Variants in ITFG1 observed in about 807,000 individuals in gnomAD.
ITFG1 encodes T-cell immunomodulatory protein.
In ITFG1, 34 loss-of-function variants were observed where a neutral mutation model predicts 81.8. The observed-to-expected ratio is 0.42, with a 90% CI of 0.32 to 0.55. The LOEUF is 0.55. Among genes scored for constraint, ITFG1 ranks in the 20% least tolerant of loss-of-function variants. The pLI is 0.17. For synonymous variants in ITFG1, 285 were observed against 270.6 expected (o/e 1.05, Z -0.52); for missense variants, 672 against 755.4 (o/e 0.89, Z 1.29).
At chr16:47,326,504 C>T (rs1196182414) in intron 8 of ITFG1, among the ~76,000 whole-genome samples, 17 of 152,056 alleles carry the variant, frequency 1.1e-4, no homozygotes, top group South Asian at 2.1e-4. Context: ...AAATAAAGGG[C>T]ATTCAATTAG....
chr16:47,344,707 C>T (rs938451844), intron 8 of ITFG1, among the ~76,000 whole-genome samples: 2 of 152,110 alleles, frequency 1.3e-5, no homozygotes, highest in Admixed American at 6.5e-5. Context: ...CCATCCCCAC[C>T]TTCCCCACAC....
intron 14 of ITFG1, among the ~76,000 whole-genome samples, chr16:47,201,258 G>T (rs193109368): frequency 1.9e-4 from 28 of 150,986 alleles, no homozygotes; most frequent in African/African-American, 6.3e-4. Flanking sequence ...GCCCAGGCTG[G>T]AGTGCAGTGG....
chr16:47,182,830 G>A (rs907753451), intron 14 of ITFG1, among the ~76,000 whole-genome samples: 1 of 152,244 alleles, frequency 6.6e-6, no homozygotes, highest in African/African-American at 2.4e-5. Flanking sequence ...CAGAAGACGG[G>A]TGATTTCTGC....
intron 10 of ITFG1, among the ~76,000 whole-genome samples, chr16:47,274,469 A>T (rs1485177112): frequency 6.6e-6 from 1 of 152,190 alleles, no homozygotes; most frequent in Non-Finnish European, 1.5e-5. Context: ...TAGACAATTA[A>T]CTAAAACTTG....
At chr16:47,350,068 T>C (rs1241384732) in intron 8 of ITFG1, among the ~76,000 whole-genome samples, 3 of 152,126 alleles carry the variant, frequency 2.0e-5, no homozygotes, top group Admixed American at 2.0e-4. Context: ...CAAAGCAGTG[T>C]GTAGAGGGAA....
At chr16:47,299,423 A>C (rs149469237) in intron 10 of ITFG1, 1 of 138,308 alleles carries the variant, frequency 7.2e-6, no homozygotes, top group East Asian at 3.2e-4. Context: ...TTTGCTTCCA[A>C]GGTGGGAAAT....
At chr16:47,231,540 GAA>G (rs1965816707) in intron 13 of ITFG1, among the ~76,000 whole-genome samples, 1 of 152,142 alleles carries the variant, frequency 6.6e-6, no homozygotes, top group African/African-American at 2.4e-5. Context: ...TACACAGTAA[GAA>G]AAAGTCAAGA....
chr16:47,434,592 C>G (rs1386429451), intron 5 of ITFG1, among the ~76,000 whole-genome samples: 1 of 152,134 alleles, frequency 6.6e-6, no homozygotes, highest in African/African-American at 2.4e-5. Context: ...CACTTTTACA[C>G]TGTTGGTGGG....
chr16:47,350,872 AAG>A (rs1345934902), intron 8 of ITFG1, among the ~76,000 whole-genome samples: 1 of 152,204 alleles, frequency 6.6e-6, no homozygotes, highest in African/African-American at 2.4e-5. Flanking sequence ...CACCATGATC[AAG>A]TGGGCTTCAT....
At chr16:47,438,934 T>A (rs1291651376) in intron 5 of ITFG1, among the ~76,000 whole-genome samples, 1 of 151,752 alleles carries the variant, frequency 6.6e-6, no homozygotes, top group Admixed American at 6.6e-5. Context: ...CTCAAAACTT[T>A]GAAAAAAAAT....
intron 8 of ITFG1, among the ~76,000 whole-genome samples, chr16:47,319,937 T>C (rs1967423268): frequency 6.6e-6 from 1 of 152,166 alleles, no homozygotes; most frequent in Non-Finnish European, 1.5e-5. Context: ...ACATATCTTT[T>C]TTGAGACAGA....
intron 8 of ITFG1, among the ~76,000 whole-genome samples, chr16:47,348,580 C>T (rs1234310389): frequency 1.3e-5 from 2 of 152,324 alleles, no homozygotes; most frequent in South Asian, 2.1e-4. Context: ...AAATCTACGT[C>T]TGAATGGTGT....
chr16:47,454,027 T>C lies in ITFG1; in HGVS notation c.413A>G (p.Gln138Arg). The part of the protein sequence containing the change: ...SELGAVIFWG[Q>R]NQTLDPNNMT... ...AACAAATTCACCTAATGTTTGATTT[T>C]GTCCCCAGAAGATAACAGCTCCTAA... The change falls in exon 3 of 18, where the codon CAA becomes CGA. Residue 138 changes from glutamine to arginine, a missense_variant. Physicochemically the swap from Gln to Arg is conservative, Grantham distance 43. Around this residue, in one of 3 missense-constraint regions of ITFG1, gnomAD observed 560 missense variants for 625.7 expected, o/e 0.90. Transcript: ENST00000320640. 6.3e-7 allele frequency: 1 copy of C among 1,598,550 alleles called. No homozygotes were observed. Among genetic ancestry groups the C allele is most frequent in the Non-Finnish European group, 8.5e-7 (1 of 1,173,368 alleles).
chr16:47,180,594 A>G (rs918556222), intron 14 of ITFG1, among the ~76,000 whole-genome samples: 1 of 152,134 alleles, frequency 6.6e-6, no homozygotes, highest in African/African-American at 2.4e-5. Context: ...TGTGTTGGCC[A>G]GGCTGGTCTC....
At chr16:47,232,802 A>G (rs2151532293) in intron 13 of ITFG1, among the ~76,000 whole-genome samples, 1 of 152,018 alleles carries the variant, frequency 6.6e-6, no homozygotes, top group Admixed American at 6.6e-5. Context: ...CACCACACCC[A>G]GGTAATTTTT....
chr16:47,452,255 C>A (rs1164675199), intron 4 of ITFG1, among the ~76,000 whole-genome samples: 1 of 152,090 alleles, frequency 6.6e-6, no homozygotes, highest in African/African-American at 2.4e-5. Flanking sequence ...AATACGCTGT[C>A]AGAAATTTGC....
intron 10 of ITFG1, among the ~76,000 whole-genome samples, chr16:47,310,648 T>C (rs1227241753): frequency 2.0e-5 from 3 of 152,202 alleles, no homozygotes; most frequent in African/African-American, 7.2e-5. Context: ...TCAACAGTCA[T>C]GGTGGAATTT....
chr16:47,347,307 G>A (rs918878744), intron 8 of ITFG1, among the ~76,000 whole-genome samples: 3 of 152,260 alleles, frequency 2.0e-5, no homozygotes, highest in Non-Finnish European at 2.9e-5. Context: ...AAGCAAAGCT[G>A]TGACAGATGG....
At chr16:47,383,630 G>C (rs1033779650) in intron 6 of ITFG1, among the ~76,000 whole-genome samples, 1 of 152,238 alleles carries the variant, frequency 6.6e-6, no homozygotes, top group African/African-American at 2.4e-5. Flanking sequence ...ACTGGGCCGG[G>C]CATGGTGGCA....
Sources: gnomAD v4.1 joint callset for allele counts (sites outside exome capture counted in the v4.1 genomes callset) on GRCh38, gnomAD v4.1.1 for gene constraint, gnomAD v4.1.1 regional missense constraint, MANE v1.5 for transcripts, NCBI Gene and HGNC (gene_info 2026-07-23, HGNC 2026-07-21) for gene names.